Variants in CPXM2 observed in about 807,000 individuals in gnomAD.
CPXM2 encodes the protein inactive carboxypeptidase-like protein X2.
CPXM2 carries 66 observed loss-of-function variants against 86.1 expected under a neutral mutation model. The ratio of observed to expected loss-of-function variants is 0.77; its 90% CI spans 0.63 to 0.94. The LOEUF (loss-of-function observed/expected upper bound fraction) is 0.94, where lower values mean the gene tolerates loss of function less well. CPXM2 is among the 40% of genes least tolerant of loss of function. The probability of loss-of-function intolerance (pLI) is 0.00; values close to 1 mark genes in which losing one functional copy is unlikely to be tolerated. For synonymous variants in CPXM2, 388 were observed against 400.2 expected, an observed-to-expected ratio of 0.97 and a Z score of 0.36; for missense variants, 948 against 1,026.3, an observed-to-expected ratio of 0.92 and a Z score of 1.04.
At chr10:123,779,297 C>T (rs1055595241) in intron 7 of CPXM2, among the ~76,000 whole-genome samples, 2 of 152,212 alleles carry the variant, frequency 1.3e-5, no homozygotes, top group African/African-American at 2.4e-5. Context: ...CCGCACTTAG[C>T]GTAGGTACTG....
At position 123,771,901 on chromosome 10, in the gene CPXM2, AG is replaced by A. The variant is rs1406114061; in HGVS notation, c.979-863del. 4.6e-5 allele frequency among the ~76,000 whole-genome samples: 7 copies of A among 152,290 alleles called. No homozygotes were observed. The East Asian group carries it at 1.4e-3, about 29-fold the overall frequency. The stretch of plus-strand genomic sequence containing the variant: ...AGAGGTGCCTTCCGCCATTATTATA[AG>A]TTTCCTGAGGCCTTATCAGCCATGC... On this transcript the variant is annotated intron_variant, in intron 7 of 13. Coordinates refer to ENST00000241305, the MANE Select transcript of CPXM2 (RefSeq NM_198148.3).
Position 123,761,977 on chromosome 10 carries a change from T to G in CPXM2, c.1672A>C (p.Thr558Pro). The G allele has an allele frequency of 6.2e-7, 1 of 1,613,680 alleles. No homozygotes were observed. Among genetic ancestry groups the G allele is most frequent in the Non-Finnish European group, 8.5e-7 (1 of 1,179,806 alleles). The stretch of plus-strand genomic sequence containing the variant: ...CGGGCGTCTGTCATGAGGCGGTGTG[T>G]GGAGGCATAGGAGTAGGCCAGCCAG... ...FRWLAYSYASTHRLMTDARRR... is the reference protein window; with the variant it reads ...FRWLAYSYASPHRLMTDARRR... The change falls in exon 11 of 14, where the codon ACA (threonine) becomes CCA (proline). Residue 558 changes from threonine to proline, a missense_variant. Physicochemically the swap from Thr to Pro is conservative, Grantham distance 38. Coordinates refer to ENST00000241305, the MANE Select transcript of CPXM2 (RefSeq NM_198148.3).
chr10:123,881,706 G>T (rs1238271584), intron 1 of CPXM2, among the ~76,000 whole-genome samples: 1 of 152,326 alleles, frequency 6.6e-6, no homozygotes, highest in Middle Eastern at 3.4e-3. Context: ...CTGAAGAGGA[G>T]ACTCCTGGTA....
In CPXM2 at chr10:123,754,827, A is replaced by G. The variant is rs17105933; in HGVS notation, c.1918-65T>C. The G allele has an allele frequency of 7.4e-3, 6,671 of 899,052 alleles. 287 individuals carry two copies. In the African/African-American group the frequency reaches 0.094, roughly 13 times the overall value. The allele number at this position is 899,052 out of a possible 1,614,324, so 55.7% of individuals were successfully genotyped here. A position where few individuals can be genotyped will look rare whatever the true frequency, so the allele number is the denominator to read the frequency against. On this transcript the variant is annotated intron_variant, in intron 12 of 13. Transcript: ENST00000241305. The surrounding 1 kb of genome is among the most constrained non-coding windows in gnomAD (Gnocchi z 4.0). Reference sequence around the variant, plus strand: ...CAGCTCTGGACACAACCGGCACAACAGAGTGGGCTGTCAACCCACCATTGG... The same window carrying G: ...CAGCTCTGGACACAACCGGCACAACGGAGTGGGCTGTCAACCCACCATTGG...
chr10:123,833,226 T>C (rs34703496), intron 4 of CPXM2, among the ~76,000 whole-genome samples: 54,641 of 152,090 alleles, frequency 0.36, 11,820 homozygotes, highest in African/African-American at 0.61. Context: ...AAGGAACCCA[T>C]GTGGGCAGGG....
intron 3 of CPXM2, among the ~76,000 whole-genome samples, chr10:123,852,219 T>C (rs1335078449): frequency 6.6e-6 from 1 of 152,176 alleles, no homozygotes; most frequent in East Asian, 1.9e-4. Flanking sequence ...CCAGGACTCA[T>C]TGTAATTATG....
chr10:123,904,643 G>T (rs1303403514), intron 2 of CPXM2, among the ~76,000 whole-genome samples: 1 of 152,154 alleles, frequency 6.6e-6, no homozygotes, highest in Non-Finnish European at 1.5e-5. Flanking sequence ...AGTAAAGGTT[G>T]CCATAGAGCT....
intron 13 of CPXM2, chr10:123,750,978 G>A (rs1846060556): frequency 1.0e-6 from 1 of 985,336 alleles, no homozygotes; most frequent in Non-Finnish European, 1.2e-6. Flanking sequence ...TTGGGCTGTT[G>A]TCCCCATGAG....
At position 123,771,056 on chromosome 10, in the gene CPXM2, A is replaced by G. The variant is rs1052689447; in HGVS notation, c.979-17T>C. 2.5e-6 allele frequency: 4 copies of G among 1,611,014 alleles called. No individual in the cohort carries two copies. The Admixed American group carries it at 5.0e-5, about 20-fold the overall frequency. ...TTTCATCAACTGAAAAACAAGGTGA[A>G]TCAAAAACTCTAAGCATTGATGACG... On this transcript the variant is annotated splice_polypyrimidine_tract_variant and intron_variant, in intron 7 of 13. Coordinates refer to ENST00000241305, the MANE Select transcript of CPXM2 (RefSeq NM_198148.3).
chr10:123,775,261 T>C (rs1215469544), intron 7 of CPXM2, among the ~76,000 whole-genome samples: 3 of 152,212 alleles, frequency 2.0e-5, no homozygotes, highest in Middle Eastern at 3.2e-3. Context: ...TGAGACCCCA[T>C]ATACTCGTCC....
rs563906661 is a variant in CPXM2, at chr10:123,842,198, G to A, written c.653+151C>T. 8.4e-4 allele frequency: 845 copies of A among 1,011,610 alleles called. 9 individuals carry two copies. The South Asian group carries it at 9.8e-3, about 12-fold the overall frequency. The allele number at this position is 1,011,610 out of a possible 1,614,324, so 62.7% of individuals were successfully genotyped here. ...CCCCCCAGGAGAATGTGTCGACAACGAGCCCAGCCTCCTGTTCATATTCCA... is the reference window on the plus strand; with the variant it reads ...CCCCCCAGGAGAATGTGTCGACAACAAGCCCAGCCTCCTGTTCATATTCCA... On this transcript the variant is annotated intron_variant, in intron 4 of 13. Transcript: ENST00000241305.
At chr10:123,792,048 C>T (rs1285281388) in intron 6 of CPXM2, among the ~76,000 whole-genome samples, 2 of 152,228 alleles carry the variant, frequency 1.3e-5, no homozygotes, top group East Asian at 3.8e-4. Flanking sequence ...CAGGGAGAGG[C>T]TTTGGCATTC....
intron 6 of CPXM2, among the ~76,000 whole-genome samples, chr10:123,782,646 G>C (rs541132372): frequency 1.3e-5 from 2 of 152,144 alleles, no homozygotes; most frequent in Admixed American, 6.5e-5. Context: ...AGTGAGGACC[G>C]AGCCCAGAGT....
chr10:123,764,808 AT>A (rs1219863051), intron 10 of CPXM2, among the ~76,000 whole-genome samples: 13 of 150,106 alleles, frequency 8.7e-5, no homozygotes, highest in African/African-American at 3.1e-4. Context: ...TAATTAATTA[AT>A]TTATTTATTT....
chr10:123,933,364 G>A (rs1397500928), intron 2 of CPXM2, among the ~76,000 whole-genome samples: 1 of 152,198 alleles, frequency 6.6e-6, no homozygotes, highest in Non-Finnish European at 1.5e-5. Context: ...CAAGATGGAT[G>A]AGCTATTAGA....
chr10:123,787,119 G>A (rs1196441102), intron 6 of CPXM2, among the ~76,000 whole-genome samples: 1 of 152,206 alleles, frequency 6.6e-6, no homozygotes, highest in African/African-American at 2.4e-5. Flanking sequence ...GTCAGTGGTA[G>A]GAGGCTCCAA....
At chr10:123,900,080 C>A (rs1945368718) in intron 2 of CPXM2, among the ~76,000 whole-genome samples, 1 of 152,160 alleles carries the variant, frequency 6.6e-6, no homozygotes, top group African/African-American at 2.4e-5. Flanking sequence ...CTCGCCCTGT[C>A]ACCCAGGCTG....
chr10:123,794,527 C>T (rs1847281825), intron 6 of CPXM2, among the ~76,000 whole-genome samples: 1 of 152,108 alleles, frequency 6.6e-6, no homozygotes. Flanking sequence ...CCACCAAGGC[C>T]ATGACCATCT....
upstream of CPXM2, among the ~76,000 whole-genome samples, chr10:123,941,718 C>T (rs1370396215): frequency 2.6e-5 from 4 of 152,198 alleles, no homozygotes; most frequent in African/African-American, 9.7e-5. Flanking sequence ...CCTGTGGACC[C>T]CAGAGGACTT....
Sources: gnomAD v4.1 joint callset for allele counts (sites outside exome capture counted in the v4.1 genomes callset) on GRCh38, gnomAD v4.1.1 for gene constraint, Gnocchi (gnomAD v3.1) non-coding constraint, MANE v1.5 for transcripts, NCBI Gene and HGNC (gene_info 2026-07-23, HGNC 2026-07-21) for gene names.